SMARCAL1: variants seen among roughly 807,000 people sequenced by gnomAD.
SMARCAL1 encodes SNF2 related chromatin remodeling annealing helicase 1, also known as ATP-driven annealing helicase.
Under a neutral mutation model 94.5 loss-of-function variants are expected in SMARCAL1, and 58 were observed. The ratio of observed to expected loss-of-function variants is 0.61; its 90% CI spans 0.50 to 0.76. SMARCAL1 has a LOEUF of 0.76. Ranked by LOEUF, SMARCAL1 falls within the 30% of genes least tolerant of loss-of-function variation. The probability of loss-of-function intolerance (pLI) is 0.00; values close to 1 mark genes in which losing one functional copy is unlikely to be tolerated. For synonymous variants in SMARCAL1, 422 were observed against 455.1 expected (o/e 0.93, Z 0.93); for missense variants, 1,051 against 1,177.9 (o/e 0.89, Z 1.58).
At chr2:216,462,473 T>C (rs989880927) in intron 12 of SMARCAL1, among the ~76,000 whole-genome samples, 8 of 152,148 alleles carry the variant, frequency 5.3e-5, no homozygotes, top group Non-Finnish European at 1.0e-4. Flanking sequence ...TAGACGTCCA[T>C]GAATGGATTT....
intron 11 of SMARCAL1, among the ~76,000 whole-genome samples, chr2:216,449,922 C>T (rs1248699565): frequency 2.6e-5 from 4 of 152,044 alleles, no homozygotes; most frequent in Admixed American, 1.3e-4. Context: ...ACTGCAACCT[C>T]TGCCTCCCAG....
Position 216,475,899 on chromosome 2 carries a change from A to G in SMARCAL1, c.2427+448A>G, listed in dbSNP as rs1695065817. Among the ~76,000 whole-genome samples the G allele has an allele frequency of 6.6e-6, 1 of 152,112 alleles. No individual in the cohort carries two copies. Among genetic ancestry groups the G allele is most frequent in the African/African-American group, 2.4e-5 (1 of 41,414 alleles). On this transcript the variant is annotated intron_variant, in intron 15 of 17. Transcript: ENST00000357276. This position sits in a 1 kb window ranked among gnomAD's most constrained non-coding sequence, Gnocchi z 4.4. ...CTTGACTTCATGTCTCATAGGAGGA[A>G]GTTAGGGCACCGAGAGCTCAAGGGG...
rs557289904 is a variant in SMARCAL1 at position 216,456,071 on chromosome 2, G to A, written c.2070+5007G>A. On this transcript the variant is annotated intron_variant, in intron 12 of 17. Coordinates refer to ENST00000357276, the MANE Select transcript of SMARCAL1 (RefSeq NM_014140.4). ...GACGAATGCATAAGCTTCAGTAGCC[G>A]ATTTGATCAACTGGAAGAAAGGGTA... is the stretch of plus-strand genomic sequence containing the variant. Among the ~76,000 whole-genome samples, 5 of 152,322 alleles carry A rather than the reference G, an allele frequency of 3.3e-5. No individual in the cohort carries two copies. The East Asian group carries it at 7.7e-4, about 23-fold the overall frequency.
intron 14 of SMARCAL1, among the ~76,000 whole-genome samples, chr2:216,472,138 C>T (rs115129115): frequency 0.016 from 2,438 of 152,170 alleles, 85 homozygotes; most frequent in African/African-American, 0.056. Context: ...GCAGATCACC[C>T]GAGGTTAGGA....
At position 216,464,762 on chromosome 2, in the gene SMARCAL1, G is replaced by A. The variant is rs149750318; in HGVS notation, c.2141+95G>A. The A allele has an allele frequency of 3.2e-4, 287 of 897,318 alleles. 1 individual carries two copies. In the African/African-American group the frequency reaches 3.8e-3, roughly 12 times the overall value. The allele number at this position is 897,318 out of a possible 1,614,324, so 55.6% of individuals were successfully genotyped here. On this transcript the variant is annotated intron_variant, in intron 13 of 17. Coordinates refer to ENST00000357276, the MANE Select transcript of SMARCAL1 (RefSeq NM_014140.4). ...TATTCTGCCTGAATGATTTTACTGC[G>A]TCTAAGAAATGACCAGAGATTATTA...
chr2:216,425,819 C>T (rs936058471), intron 6 of SMARCAL1, among the ~76,000 whole-genome samples: 3 of 152,244 alleles, frequency 2.0e-5, no homozygotes, highest in Admixed American at 1.3e-4. Flanking sequence ...CTGGAAAAAG[C>T]ACCATTCGAT....
chr2:216,463,250 A>G (rs1694746888), intron 12 of SMARCAL1, among the ~76,000 whole-genome samples: 1 of 152,164 alleles, frequency 6.6e-6, no homozygotes, highest in African/African-American at 2.4e-5. Flanking sequence ...GTGAAAGGAG[A>G]TGGCCACCTG....
rs113658711 is a variant in SMARCAL1 at position 216,447,463 on chromosome 2, A to G, written c.1851+305A>G. ...CTGAGAGCCGGCTTCCCTCTTGCCC[A>G]GGGTCACAGCTCTGCATGAGGCACA... On this transcript the variant is annotated intron_variant, in intron 11 of 17. Coordinates refer to ENST00000357276, the MANE Select transcript of SMARCAL1 (RefSeq NM_014140.4). Among the ~76,000 whole-genome samples the G allele has an allele frequency of 3.4e-3, 522 of 152,162 alleles. 2 individuals carry two copies. Among genetic ancestry groups the G allele is most frequent in the African/African-American group, 0.012 (509 of 41,512 alleles).
intron 1 of SMARCAL1, 138 bp from the exon 2 acceptor site, chr2:216,413,718 A>G (rs1693518750): frequency 6.6e-6 from 1 of 152,054 alleles, no homozygotes; most frequent in Admixed American, 6.5e-5. Context: ...GTTGGAAGTC[A>G]GGTCCTAAGG....
At chr2:216,422,604 C>G (rs1366959997) in intron 5 of SMARCAL1, among the ~76,000 whole-genome samples, 3 of 152,216 alleles carry the variant, frequency 2.0e-5, no homozygotes, top group Non-Finnish European at 2.9e-5. Context: ...CCTTCCCCTT[C>G]TAGTTCTGCA....
intron 3 of SMARCAL1, 44 bp from the exon 4 acceptor site, chr2:216,416,213 A>G (rs753680486): frequency 1.6e-5 from 25 of 1,561,994 alleles, no homozygotes; most frequent in Non-Finnish European, 2.1e-5. Flanking sequence ...TTGAGTGCCT[A>G]AGTACAAATT....
rs1033523276 is a variant in SMARCAL1 at position 216,435,449 on chromosome 2, A to C, written c.1597A>C (p.Ser533Arg). Residue 533 changes from serine (S) to arginine (R), a missense_variant, in exon 9 of 18, where the codon AGC (serine) becomes CGC (arginine). Transcript: ENST00000357276. ...LINIVSFDLL[S>R]KLEKQLKTPF... ...CAACATTGTCAGCTTTGACCTTCTTAGCAAGTTGGAAAAACAGCTAAAAAC... is the reference window on the plus strand; with the variant it reads ...CAACATTGTCAGCTTTGACCTTCTTCGCAAGTTGGAAAAACAGCTAAAAAC... 1 of 1,614,078 alleles carries C rather than the reference A, an allele frequency of 6.2e-7. No homozygotes were observed. Among genetic ancestry groups the C allele is most frequent in the African/African-American group, 1.3e-5 (1 of 74,932 alleles).
In SMARCAL1 at chr2:216,412,552, C is replaced by G. The variant is rs952243482; in HGVS notation, c.-192C>G. 33 of 152,478 alleles carry G rather than the reference C, an allele frequency of 2.2e-4. No individual in the cohort carries two copies. The highest frequency in any genetic ancestry group is 6.7e-4 in the African/African-American group (28 of 41,588). 9.4% of individuals were successfully genotyped at this position (152,478 alleles called of 1,614,324 possible). A position where few individuals can be genotyped will look rare whatever the true frequency, so the allele number is the denominator to read the frequency against. Reference sequence around the variant, plus strand: ...AGCGCTTGAATACCCGTGGCCTAACCGTCCACTCGGAAGACCGGTCCCGCT... The same window carrying G: ...AGCGCTTGAATACCCGTGGCCTAACGGTCCACTCGGAAGACCGGTCCCGCT... On this transcript the variant is annotated 5_prime_UTR_variant, in exon 1 of 18. Transcript: ENST00000357276.
At chr2:216,459,837 G>T (rs938695203) in intron 12 of SMARCAL1, among the ~76,000 whole-genome samples, 3 of 152,132 alleles carry the variant, frequency 2.0e-5, no homozygotes, top group African/African-American at 7.2e-5. Context: ...TGACAAATGG[G>T]ATCTAATTAA....
intron 10 of SMARCAL1, among the ~76,000 whole-genome samples, chr2:216,442,567 C>T (rs943323474): frequency 2.0e-5 from 3 of 152,148 alleles, no homozygotes; most frequent in African/African-American, 7.2e-5. Context: ...ATAAAATAAC[C>T]TGCACCTATG....
At chr2:216,416,182 C>A in intron 3 of SMARCAL1, 75 bp from the exon 4 acceptor site, 1 of 1,278,654 alleles carries the variant, frequency 7.8e-7, no homozygotes, top group South Asian at 1.2e-5. Flanking sequence ...TTCATTCATT[C>A]ATTTAGAAGA....
rs1368456366 is a variant in SMARCAL1, at chr2:216,477,139, C to T, written c.2458C>T (p.Arg820Cys). The change falls in exon 16 of 18, where the codon CGC becomes TGC. Residue 820 changes from arginine to cysteine, a missense_variant. Arg to Cys is a radical substitution (Grantham distance 180). This residue lies in a region of SMARCAL1 where 642 missense variants were observed against 754.7 expected (regional missense o/e 0.85). Transcript: ENST00000357276. ...GATCCAGGCTGAGGACCGCGTGCAC[C>T]GCATTGGACAGACCAGCTCCGTGGG... ...VLIQAEDRVH[R>C]IGQTSSVGIH... The T allele has an allele frequency of 3.8e-6, 6 of 1,591,644 alleles. No homozygotes were observed. Among genetic ancestry groups the T allele is most frequent in the Admixed American group, 1.8e-5 (1 of 56,834 alleles).
chr2:216,457,366 C>G (rs536270715), intron 12 of SMARCAL1, among the ~76,000 whole-genome samples: 6 of 152,186 alleles, frequency 3.9e-5, no homozygotes, highest in Non-Finnish European at 7.3e-5. Flanking sequence ...AACTCTCCAC[C>G]CCAAATCAAC....
chr2:216,433,376 G>A (rs907771669), intron 8 of SMARCAL1, among the ~76,000 whole-genome samples: 17 of 151,998 alleles, frequency 1.1e-4, no homozygotes, highest in African/African-American at 3.4e-4. Flanking sequence ...CACTGTGCCC[G>A]GCCCACACTT....
Sources: gnomAD v4.1 joint callset for allele counts (sites outside exome capture counted in the v4.1 genomes callset) on GRCh38, gnomAD v4.1.1 for gene constraint, gnomAD v4.1.1 regional missense constraint, Gnocchi (gnomAD v3.1) non-coding constraint, MANE v1.5 for transcripts, NCBI Gene and HGNC (gene_info 2026-07-23, HGNC 2026-07-21) for gene names.